CACNB4: variants seen among roughly 807,000 people sequenced by gnomAD.
CACNB4 encodes the protein voltage-dependent L-type calcium channel subunit beta-4.
CACNB4 carries 32 observed loss-of-function variants against 71.2 expected under a neutral mutation model. That is an observed-to-expected ratio of 0.45 (90% CI 0.34 to 0.60). The LOEUF is 0.60. Ranked by LOEUF, CACNB4 falls within the 20% of genes least tolerant of loss-of-function variation. The pLI is 0.01. For synonymous variants in CACNB4, 231 were observed against 236.9 expected (o/e 0.97, Z 0.23); for missense variants, 464 against 647.9 (o/e 0.72, Z 3.08).
At chr2:151,858,999 T>C (rs2099840980) in intron 10 of CACNB4, 1 of 152,222 alleles carries the variant, frequency 6.6e-6, no homozygotes, top group Non-Finnish European at 1.5e-5. Flanking sequence ...GTGGGTTATG[T>C]CTTTATTTCC....
chr2:151,995,535 G>A (rs1487803496), intron 2 of CACNB4, among the ~76,000 whole-genome samples: 4 of 152,088 alleles, frequency 2.6e-5, no homozygotes, highest in Non-Finnish European at 5.9e-5. Flanking sequence ...GTGAAACCCC[G>A]TCTCTACTAA....
rs1291302032 is a variant in CACNB4 at position 152,055,096 on chromosome 2, C to T, written c.147+43234G>A. ...GCACAATCTCAGCTCACCGTAACCG[C>T]TGCCTCCCAGGTTCAAGGGATTCTC... On this transcript the variant is annotated intron_variant, in intron 2 of 13. Coordinates refer to ENST00000539935, the MANE Select transcript of CACNB4 (RefSeq NM_000726.5). Among the ~76,000 whole-genome samples, 4 of 152,224 alleles carry T rather than the reference C, an allele frequency of 2.6e-5. No individual in the cohort carries two copies. The East Asian group carries it at 5.8e-4, about 22-fold the overall frequency.
At chr2:151,899,727 C>T (rs1466989313) in intron 2 of CACNB4, among the ~76,000 whole-genome samples, 1 of 152,052 alleles carries the variant, frequency 6.6e-6, no homozygotes, top group African/African-American at 2.4e-5. Flanking sequence ...ATACTCGGTG[C>T]CCTAACAACA....
At chr2:152,086,175 T>A (rs1020110857) in intron 2 of CACNB4, among the ~76,000 whole-genome samples, 3 of 152,226 alleles carry the variant, frequency 2.0e-5, no homozygotes, top group African/African-American at 4.8e-5. Flanking sequence ...ACAGAGTTTT[T>A]AAAAAGATAT....
intron 2 of CACNB4, among the ~76,000 whole-genome samples, chr2:152,026,999 T>G (rs145754630): frequency 0.074 from 11,229 of 151,932 alleles, 1,416 homozygotes; most frequent in African/African-American, 0.26. Context: ...CTCCACCTCC[T>G]GGGTTCAAGC....
chr2:152,008,628 C>T (rs982838353), intron 2 of CACNB4, among the ~76,000 whole-genome samples: 7 of 152,138 alleles, frequency 4.6e-5, no homozygotes, highest in African/African-American at 7.2e-5. Context: ...GATAGAACCA[C>T]GAACTTCCTG....
chr2:152,069,085 G>A (rs796169352), intron 2 of CACNB4, among the ~76,000 whole-genome samples: 45 of 152,278 alleles, frequency 3.0e-4, no homozygotes, highest in African/African-American at 1.1e-3. Flanking sequence ...CTCAGTCAAT[G>A]GGGAACAGAT....
chr2:152,070,531 C>T (rs1036159293), intron 2 of CACNB4, among the ~76,000 whole-genome samples: 8 of 152,056 alleles, frequency 5.3e-5, no homozygotes, highest in African/African-American at 1.9e-4. Context: ...TGGGTGTTCA[C>T]GGAAACCACA....
In CACNB4 at chr2:151,957,504, C is replaced by T. The variant is rs575910302; in HGVS notation, c.148-74134G>A. Among the ~76,000 whole-genome samples the T allele has an allele frequency of 1.1e-4, 17 of 152,230 alleles. 1 individual carries two copies. Among genetic ancestry groups the T allele is most frequent in the Admixed American group, 1.1e-3 (17 of 15,284 alleles). Reference sequence around the variant, plus strand: ...CAATTACATTTTATTTAAAGAAAGACATTCATACTTCAAAGTGCTTACCAC... The same window carrying T: ...CAATTACATTTTATTTAAAGAAAGATATTCATACTTCAAAGTGCTTACCAC... On this transcript the variant is annotated intron_variant, in intron 2 of 13. Transcript: ENST00000539935.
intron 2 of CACNB4, among the ~76,000 whole-genome samples, chr2:151,915,499 C>T (rs186163384): frequency 4.6e-4 from 70 of 152,298 alleles, no homozygotes; most frequent in Admixed American, 9.8e-4. Flanking sequence ...GCTGCCCCTC[C>T]CCTGCGGGGG....
At chr2:152,019,538 G>T (rs1683540660) in intron 2 of CACNB4, among the ~76,000 whole-genome samples, 1 of 152,126 alleles carries the variant, frequency 6.6e-6, no homozygotes, top group African/African-American at 2.4e-5. Flanking sequence ...TGAATGAGTG[G>T]GTGGATGGTG....
intron 2 of CACNB4, among the ~76,000 whole-genome samples, chr2:152,017,713 C>CAAA (rs564691685): frequency 6.9e-6 from 1 of 144,844 alleles, no homozygotes; most frequent in Non-Finnish European, 1.5e-5. Context: ...GTCTCAACAA[C>CAAA]AAAAAAAAAA....
At chr2:151,901,359 C>T (rs2099853376) in intron 2 of CACNB4, among the ~76,000 whole-genome samples, 1 of 152,048 alleles carries the variant, frequency 6.6e-6, no homozygotes, top group African/African-American at 2.4e-5. Flanking sequence ...TGATGTTCAG[C>T]TGAGACAAGG....
At chr2:152,081,659 A>AC (rs1355330918) in intron 2 of CACNB4, among the ~76,000 whole-genome samples, 5 of 151,996 alleles carry the variant, frequency 3.3e-5, no homozygotes, top group African/African-American at 1.2e-4. Flanking sequence ...TAGGGGCCCT[A>AC]CCCTCAAAAT....
intron 2 of CACNB4, among the ~76,000 whole-genome samples, chr2:152,006,580 T>C (rs1682743706): frequency 6.6e-6 from 1 of 151,986 alleles, no homozygotes; most frequent in African/African-American, 2.4e-5. Context: ...TTTGTACTTT[T>C]TAGTAGGGTT....
At chr2:151,985,646 T>C (rs1681313103) in intron 2 of CACNB4, among the ~76,000 whole-genome samples, 1 of 150,502 alleles carries the variant, frequency 6.6e-6, no homozygotes, top group Non-Finnish European at 1.5e-5. Context: ...GATATGCCAA[T>C]AGTAGAAATC....
chr2:152,059,506 A>C (rs1325507009), intron 2 of CACNB4, among the ~76,000 whole-genome samples: 1 of 152,256 alleles, frequency 6.6e-6, no homozygotes, highest in East Asian at 1.9e-4. Context: ...TTGGATTTGC[A>C]TGGGGCTTGT....
intron 2 of CACNB4, among the ~76,000 whole-genome samples, chr2:151,944,660 C>T (rs968771742): frequency 5.3e-5 from 8 of 152,082 alleles, no homozygotes; most frequent in African/African-American, 1.9e-4. Flanking sequence ...GGTGTCATGG[C>T]ACACGCCTGT....
At chr2:151,934,785 C>T (rs1459855297) in intron 2 of CACNB4, among the ~76,000 whole-genome samples, 3 of 152,004 alleles carry the variant, frequency 2.0e-5, no homozygotes, top group Admixed American at 6.6e-5. Flanking sequence ...TGCAGTAAGC[C>T]GAGATCGCAC....
Sources: allele counts gnomAD v4.1 joint callset (sites outside exome capture counted in the v4.1 genomes callset), GRCh38; gene constraint gnomAD v4.1.1; transcripts MANE v1.5; gene names NCBI Gene and HGNC (gene_info 2026-07-23, HGNC 2026-07-21).